ICOS: variants seen among roughly 807,000 people sequenced by gnomAD.
The protein encoded by ICOS is inducible T-cell costimulator.
A neutral mutation model predicts 24.6 loss-of-function variants in ICOS; 15 were observed. That is an observed-to-expected ratio of 0.61 (90% CI 0.41 to 0.94). The LOEUF (loss-of-function observed/expected upper bound fraction) is 0.94, where lower values mean the gene tolerates loss of function less well. Among genes scored for constraint, ICOS ranks in the 40% least tolerant of loss-of-function variants. The pLI, the probability that ICOS is intolerant of heterozygous loss-of-function variation, is 0.00. For synonymous variants in ICOS, 89 were observed against 77.5 expected, an observed-to-expected ratio of 1.15 and a Z score of -0.78; for missense variants, 200 against 233.0, an observed-to-expected ratio of 0.86 and a Z score of 0.92.
intron 3 of ICOS, 45 bp downstream of exon 3, chr2:203,956,810 A>G (rs768116597): frequency 1.7e-6 from 2 of 1,208,074 alleles, no homozygotes; most frequent in Non-Finnish European, 2.5e-6. Context: ...ACAGATGCAC[A>G]TCAGTGATTA....
chr2:203,948,689 A>G (rs1355787787), intron 1 of ICOS, among the ~76,000 whole-genome samples: 4 of 152,226 alleles, frequency 2.6e-5, no homozygotes, highest in Non-Finnish European at 4.4e-5. Context: ...ACAGTGATAA[A>G]TGCTTTATGT....
chr2:203,956,912 A>G (rs1690087340), intron 3 of ICOS, 147 bp downstream of exon 3: 2 of 657,194 alleles, frequency 3.0e-6, no homozygotes, highest in East Asian at 5.6e-5. Flanking sequence ...TACTAATTAA[A>G]CTAATCACTT....
intron 1 of ICOS, among the ~76,000 whole-genome samples, chr2:203,946,781 G>A (rs1396041441): frequency 6.6e-6 from 1 of 152,086 alleles, no homozygotes; most frequent in Non-Finnish European, 1.5e-5. Context: ...GCTGTGCTAA[G>A]CTAACACTTA....
intron 1 of ICOS, among the ~76,000 whole-genome samples, chr2:203,951,690 T>A: frequency 6.6e-6 from 1 of 152,216 alleles, no homozygotes; most frequent in South Asian, 2.1e-4. Flanking sequence ...CCACAGACGC[T>A]TTGGCTCCAA....
At chr2:203,951,238 T>C (rs181549412) in intron 1 of ICOS, among the ~76,000 whole-genome samples, 18 of 152,306 alleles carry the variant, frequency 1.2e-4, no homozygotes, top group African/African-American at 4.3e-4. Context: ...TATTCTGACT[T>C]TCTGGAATAG....
chr2:203,943,065 A>AT (rs1254241852), intron 1 of ICOS, among the ~76,000 whole-genome samples: 1 of 151,900 alleles, frequency 6.6e-6, no homozygotes, highest in Non-Finnish European at 1.5e-5. Flanking sequence ...TTCTTGTATC[A>AT]TTTTTTGCAT....
At chr2:203,952,704 C>T (rs758893465) in intron 1 of ICOS, among the ~76,000 whole-genome samples, 8 of 151,972 alleles carry the variant, frequency 5.3e-5, no homozygotes, top group Non-Finnish European at 1.2e-4. Context: ...CTTGTAGGTT[C>T]TTTTTCAAAT....
At chr2:203,945,951 A>G (rs992427901) in intron 1 of ICOS, among the ~76,000 whole-genome samples, 3 of 152,164 alleles carry the variant, frequency 2.0e-5, no homozygotes, top group African/African-American at 7.2e-5. Flanking sequence ...AAATGAGTTC[A>G]GGCAGTGAAC....
intron 1 of ICOS, among the ~76,000 whole-genome samples, chr2:203,950,835 G>A (rs1689957106): frequency 6.6e-6 from 1 of 152,114 alleles, no homozygotes; most frequent in African/African-American, 2.4e-5. Context: ...GCCAAGGTGG[G>A]CGGATCGTGA....
chr2:203,955,751 G>A lies in ICOS; in HGVS notation c.174G>A (p.Gly58=). The change falls in exon 2 of 5, where the codon GGG becomes GGA. Residue 58 remains glycine (G), a synonymous_variant. Coordinates refer to ENST00000316386, the MANE Select transcript of ICOS (RefSeq NM_012092.4). ...AATTTAAAATGCAGTTGCTGAAAGG[G>A]GGGCAAATACTCTGCGATCTCACTA... ...VQQFKMQLLK[G]GQILCDLTKT... is the part of the protein sequence containing the mutation. The A allele has an allele frequency of 6.2e-7, 1 of 1,613,676 alleles. No individual in the cohort carries two copies. The highest frequency in any genetic ancestry group is 1.7e-4 in the Middle Eastern group (1 of 6,056).
rs5837889 is a variant in ICOS, at chr2:203,957,947, A to ATT, written c.586+76_586+77dup. The stretch of plus-strand genomic sequence containing the variant: ...TCTTCACAGTAAGCCTGGAATGTTA[A>ATT]TTTTTTTTTTTTTAATTTTAAAGGA... On this transcript the variant is annotated intron_variant, in intron 4 of 4. Coordinates refer to ENST00000316386, the MANE Select transcript of ICOS (RefSeq NM_012092.4). The ATT allele has an allele frequency of 5.6e-3, 4,361 of 782,266 alleles. 3 individuals carry two copies. Among genetic ancestry groups the ATT allele is most frequent in the African/African-American group, 0.012 (647 of 54,968 alleles). 48.5% of individuals were successfully genotyped at this position (782,266 alleles called of 1,614,324 possible).
chr2:203,956,649 T>C lies in ICOS; in HGVS notation c.395-10T>C. 6.2e-7 allele frequency: 1 copy of C among 1,601,806 alleles called. No individual in the cohort carries two copies. Among genetic ancestry groups the C allele is most frequent in the African/African-American group, 1.3e-5 (1 of 74,764 alleles). On this transcript the variant is annotated splice_polypyrimidine_tract_variant and intron_variant, in intron 2 of 4. Coordinates refer to ENST00000316386, the MANE Select transcript of ICOS (RefSeq NM_012092.4). Reference sequence around the variant, plus strand: ...AATTTTTCATTAACATACCTTTTTTTCCAATCCAGAATCACAACTTTGTTG... The same window carrying C: ...AATTTTTCATTAACATACCTTTTTTCCCAATCCAGAATCACAACTTTGTTG...
chr2:203,936,948 T>A, intron 1 of ICOS, 76 bp downstream of exon 1: 1 of 1,119,948 alleles, frequency 8.9e-7, no homozygotes. Flanking sequence ...GTAGAAAAAT[T>A]ACGCACCCAA....
intron 1 of ICOS, among the ~76,000 whole-genome samples, chr2:203,955,187 C>T (rs893073791): frequency 1.3e-5 from 2 of 152,098 alleles, no homozygotes; most frequent in Non-Finnish European, 2.9e-5. Context: ...CTCACTTCCT[C>T]AAGGCGGCAT....
intron 1 of ICOS, among the ~76,000 whole-genome samples, chr2:203,944,132 C>G (rs1419904857): frequency 6.6e-6 from 1 of 152,168 alleles, no homozygotes; most frequent in South Asian, 2.1e-4. Flanking sequence ...ATGCTGGATT[C>G]ACGGCCTCCC....
At chr2:203,955,108 AAACTTCAACTTT>A (rs1690054880) in intron 1 of ICOS, among the ~76,000 whole-genome samples, 1 of 151,866 alleles carries the variant, frequency 6.6e-6, no homozygotes, top group African/African-American at 2.4e-5. Context: ...AGTTTTTCCT[AAACTTCAACTTT>A]TCCCATATCT....
chr2:203,937,247 G>A (rs1240236316), intron 1 of ICOS, among the ~76,000 whole-genome samples: 1 of 152,090 alleles, frequency 6.6e-6, no homozygotes, highest in African/African-American at 2.4e-5. Context: ...CATTTGGACT[G>A]GGAATTCTTT....
chr2:203,958,271 C>G (rs1173131285), intron 4 of ICOS, among the ~76,000 whole-genome samples: 4 of 152,092 alleles, frequency 2.6e-5, no homozygotes, highest in African/African-American at 9.7e-5. Context: ...GTGAGGCACT[C>G]TGGGGAATTT....
At chr2:203,954,844 AT>A (rs1393573974) in intron 1 of ICOS, among the ~76,000 whole-genome samples, 1 of 148,680 alleles carries the variant, frequency 6.7e-6, no homozygotes, top group Non-Finnish European at 1.5e-5. Flanking sequence ...TGTAATATAC[AT>A]ATACATATAA....
Sources: gnomAD v4.1 joint callset for allele counts (sites outside exome capture counted in the v4.1 genomes callset) on GRCh38, gnomAD v4.1.1 for gene constraint, MANE v1.5 for transcripts, NCBI Gene and HGNC (gene_info 2026-07-23, HGNC 2026-07-21) for gene names.